Variants in HEPACAM2 observed in about 807,000 individuals in gnomAD.
The protein encoded by HEPACAM2 is HEPACAM family member 2.
In HEPACAM2, 49 loss-of-function variants were observed where a neutral mutation model predicts 49.6. The observed-to-expected ratio is 0.99, with a 90% CI of 0.78 to 1.25. HEPACAM2 has a LOEUF of 1.25. HEPACAM2 is among the 50% of genes most tolerant of loss of function. The probability of loss-of-function intolerance (pLI) is 0.00; values close to 1 mark genes in which losing one functional copy is unlikely to be tolerated. For missense variants in HEPACAM2, 525 were observed against 557.2 expected (o/e 0.94, Z 0.58); for synonymous variants, 197 against 202.9 (o/e 0.97, Z 0.25).
chr7:93,209,373 T>C (rs1233271858), intron 3 of HEPACAM2, among the ~76,000 whole-genome samples: 7 of 152,030 alleles, frequency 4.6e-5, no homozygotes. Flanking sequence ...ATACAGTGTG[T>C]AATGATTAAA....
intron 4 of HEPACAM2, among the ~76,000 whole-genome samples, chr7:93,202,286 C>A (rs970372080): frequency 6.6e-6 from 1 of 151,158 alleles, no homozygotes; most frequent in Non-Finnish European, 1.5e-5. Flanking sequence ...TACATAAAAT[C>A]AAATGTACAA....
At chr7:93,209,753 A>G (rs577181523) in intron 3 of HEPACAM2, among the ~76,000 whole-genome samples, 1 of 152,100 alleles carries the variant, frequency 6.6e-6, no homozygotes, top group East Asian at 1.9e-4. Flanking sequence ...CTCTTTAACA[A>G]CCATACTTTC....
At chr7:93,192,825 A>T (rs1793590479) in intron 8 of HEPACAM2, among the ~76,000 whole-genome samples, 1 of 152,136 alleles carries the variant, frequency 6.6e-6, no homozygotes, top group East Asian at 1.9e-4. Flanking sequence ...TATTGCAAAT[A>T]AGTAAAGACA....
Position 93,195,921 on chromosome 7 carries a change from CT to C in HEPACAM2, c.1202-21del. ...CATGGCCTGAAATGTAAAACAAATACTGCTTACAAACCGAATGCCTTGATTT... is the reference window on the plus strand; with the variant it reads ...CATGGCCTGAAATGTAAAACAAATACGCTTACAAACCGAATGCCTTGATTT... On this transcript the variant is annotated intron_variant, in intron 7 of 9. Transcript: ENST00000394468. The C allele has an allele frequency of 1.9e-6, 3 of 1,569,750 alleles. No individual in the cohort carries two copies. In the Admixed American group the frequency reaches 5.1e-5, roughly 27 times the overall value.
At chr7:93,209,368 G>T (rs1341646573) in intron 3 of HEPACAM2, among the ~76,000 whole-genome samples, 2 of 151,964 alleles carry the variant, frequency 1.3e-5, no homozygotes, top group Non-Finnish European at 2.9e-5. Context: ...CATGTATACA[G>T]TGTGTAATGA....
chr7:93,207,276 T>C (rs1794053037), intron 4 of HEPACAM2, among the ~76,000 whole-genome samples: 1 of 152,118 alleles, frequency 6.6e-6, no homozygotes, highest in South Asian at 2.1e-4. Context: ...GAGTAGTAGC[T>C]TTTATAAACT....
At chr7:93,217,966 G>C (rs1025283373) in intron 2 of HEPACAM2, among the ~76,000 whole-genome samples, 1 of 151,380 alleles carries the variant, frequency 6.6e-6, no homozygotes, top group Non-Finnish European at 1.5e-5. Context: ...AGGCTTCACA[G>C]ATAAAGTGAC....
intron 7 of HEPACAM2, among the ~76,000 whole-genome samples, chr7:93,196,308 CAG>C (rs897032962): frequency 3.9e-5 from 6 of 152,092 alleles, no homozygotes; most frequent in African/African-American, 1.4e-4. Context: ...ACAGATGTAA[CAG>C]ATCATCAGAA....
At chr7:93,228,625 A>C (rs1460474327), upstream of HEPACAM2, among the ~76,000 whole-genome samples, 1 of 152,236 alleles carries the variant, frequency 6.6e-6, no homozygotes, top group Admixed American at 6.5e-5. Context: ...TCACACCTGT[A>C]ACCCACTGGG....
At position 93,219,273 on chromosome 7, in the gene HEPACAM2, C is replaced by T; in HGVS notation, c.258G>A (p.Lys86=). Residue 86 remains lysine (K), a synonymous_variant, in exon 2 of 10, where the codon AAG becomes AAA. Coordinates refer to ENST00000394468, the MANE Select transcript of HEPACAM2 (RefSeq NM_001039372.4). ...GGTATTCCAAGTCAGGAACCACAGA[C>T]TTATTCACAGAGCCCAGTAAGTATT... ...MPKYLLGSVN[K]SVVPDLEYQH... The T allele has an allele frequency of 1.2e-6, 2 of 1,613,976 alleles. No individual in the cohort carries two copies. The highest frequency in any genetic ancestry group is 1.7e-6 in the Non-Finnish European group (2 of 1,179,948).
chr7:93,189,355 C>A (rs989943575), intron 9 of HEPACAM2, 85 bp from the exon 10 acceptor site: 14 of 835,006 alleles, frequency 1.7e-5, no homozygotes, highest in African/African-American at 1.4e-4. Flanking sequence ...TCTTTTATTG[C>A]TTTCCAGGGC....
At chr7:93,203,995 T>G (rs1405996491) in intron 4 of HEPACAM2, among the ~76,000 whole-genome samples, 1 of 152,148 alleles carries the variant, frequency 6.6e-6, no homozygotes, top group Non-Finnish European at 1.5e-5. Context: ...TGTAGTTCTA[T>G]CTTAATTGTC....
intron 4 of HEPACAM2, among the ~76,000 whole-genome samples, chr7:93,204,227 C>T (rs967008819): frequency 5.1e-4 from 77 of 152,050 alleles, no homozygotes; most frequent in Admixed American, 5.0e-3. Context: ...CAAACTATGC[C>T]CACATGGCCT....
At chr7:93,226,597 G>A, upstream of HEPACAM2, 1 of 588,236 alleles carries the variant, frequency 1.7e-6, no homozygotes, top group Non-Finnish European at 3.0e-6. Context: ...GACACAGGGA[G>A]TGGGAACACC....
chr7:93,192,454 G>T, intron 8 of HEPACAM2, 91 bp from the exon 9 acceptor site: 1 of 877,716 alleles, frequency 1.1e-6, no homozygotes, highest in Non-Finnish European at 1.8e-6. Context: ...ACTGGCAGTA[G>T]TGATGATTAG....
rs1033343474 is a variant in HEPACAM2, at chr7:93,202,387, A to C, written c.1013-4777T>G. Among the ~76,000 whole-genome samples the C allele has an allele frequency of 5.3e-5, 8 of 152,226 alleles. No individual in the cohort carries two copies. In the South Asian group the frequency reaches 8.3e-4, roughly 16 times the overall value. On this transcript the variant is annotated intron_variant, in intron 4 of 9. Transcript: ENST00000394468. ...AGAAACTAAAATATTTGCCATAGTC[A>C]GTAAGTCCTAGAATTGAGAGTAGAC...
chr7:93,202,265 A>C (rs888401062), intron 4 of HEPACAM2, among the ~76,000 whole-genome samples: 3 of 150,862 alleles, frequency 2.0e-5, no homozygotes, highest in Admixed American at 6.6e-5. Context: ...ATATATATTA[A>C]ATATTATATA....
chr7:93,229,515 T>C (rs1794590601), upstream of HEPACAM2, among the ~76,000 whole-genome samples: 1 of 152,230 alleles, frequency 6.6e-6, no homozygotes, highest in Non-Finnish European at 1.5e-5. Context: ...TCTCAGCTTT[T>C]ATTTAAGCTT....
chr7:93,201,451 A>G lies in HEPACAM2; in HGVS notation c.1013-3841T>C, dbSNP rs1793880767. 2.0e-5 allele frequency among the ~76,000 whole-genome samples: 3 copies of G among 151,632 alleles called. No homozygotes were observed. In the South Asian group the frequency reaches 6.2e-4, roughly 32 times the overall value. On this transcript the variant is annotated intron_variant, in intron 4 of 9. Coordinates refer to ENST00000394468, the MANE Select transcript of HEPACAM2 (RefSeq NM_001039372.4). Reference sequence around the variant, plus strand: ...GAATTTTATTTATCTTTTCTTCTCTATTTCCTTGTTAGTTATACATTTTTA... The same window carrying G: ...GAATTTTATTTATCTTTTCTTCTCTGTTTCCTTGTTAGTTATACATTTTTA...
Sources: gnomAD v4.1 joint callset for allele counts (sites outside exome capture counted in the v4.1 genomes callset) on GRCh38, gnomAD v4.1.1 for gene constraint, MANE v1.5 for transcripts, NCBI Gene and HGNC (gene_info 2026-07-23, HGNC 2026-07-21) for gene names.